Variants in LAMA2 observed in about 807,000 individuals in gnomAD.
LAMA2 encodes the protein laminin subunit alpha 2, also known as laminin subunit alpha-2.
A neutral mutation model predicts 364.8 loss-of-function variants in LAMA2; 269 were observed. The observed-to-expected ratio is 0.74, with a 90% CI of 0.67 to 0.82. LAMA2 has a LOEUF of 0.82. Ranked by LOEUF, LAMA2 falls within the 40% of genes least tolerant of loss-of-function variation. LAMA2 has a pLI of 0.00. For missense variants in LAMA2, 3,807 were observed against 3,873.2 expected (o/e 0.98, Z 0.45); for synonymous variants, 1,379 against 1,370.6 (o/e 1.01, Z -0.14).
In LAMA2 at chr6:129,306,210, A is replaced by C. The variant is rs1207021376; in HGVS notation, c.3174+5338A>C. Among the ~76,000 whole-genome samples, 3 of 151,524 alleles carry C rather than the reference A, an allele frequency of 2.0e-5. No homozygotes were observed. The East Asian group carries it at 5.8e-4, about 29-fold the overall frequency. The stretch of plus-strand genomic sequence containing the variant: ...TAATGCTTTAAATTCCTTTGTGTAC[A>C]TTAAAATTTTCATTTCATATCATTT... On this transcript the variant is annotated intron_variant, in intron 22 of 64. Coordinates refer to ENST00000421865, the MANE Select transcript of LAMA2 (RefSeq NM_000426.4).
intron 4 of LAMA2, among the ~76,000 whole-genome samples, chr6:129,135,155 A>G (rs1014805307): frequency 1.3e-5 from 2 of 152,182 alleles, no homozygotes; most frequent in South Asian, 4.1e-4. Context: ...ATCAAACAGT[A>G]AAGACTATTC....
At chr6:129,112,226 A>G (rs1187747703) in intron 4 of LAMA2, among the ~76,000 whole-genome samples, 1 of 152,058 alleles carries the variant, frequency 6.6e-6, no homozygotes, top group Non-Finnish European at 1.5e-5. Flanking sequence ...TTGCTTTTTA[A>G]AGAAAAAATT....
intron 34 of LAMA2, among the ~76,000 whole-genome samples, chr6:129,382,315 A>G (rs1778736980): frequency 6.6e-6 from 1 of 152,250 alleles, no homozygotes; most frequent in South Asian, 2.1e-4. Flanking sequence ...TTTTTAAAGA[A>G]ACAATGTTAT....
Position 129,014,788 on chromosome 6 carries a change from G to A in LAMA2, c.113-35130G>A, listed in dbSNP as rs142968448. ...CAATAATTAGATATTTGAACATGGT[G>A]GAAATAGTGAACCTATCATCTTTAA... On this transcript the variant is annotated intron_variant, in intron 1 of 64. Coordinates refer to ENST00000421865, the MANE Select transcript of LAMA2 (RefSeq NM_000426.4). Among the ~76,000 whole-genome samples the A allele has an allele frequency of 2.3e-4, 35 of 151,970 alleles. No individual in the cohort carries two copies. The East Asian group carries it at 4.6e-3, about 20-fold the overall frequency.
chr6:128,929,261 G>T (rs1451172150), intron 1 of LAMA2: 8 of 1,398,828 alleles, frequency 5.7e-6, no homozygotes, highest in Middle Eastern at 4.0e-4. Flanking sequence ...ACCGTCAATG[G>T]CTAAGTTCCC....
At chr6:129,219,769 T>C (rs1176876150) in intron 12 of LAMA2, among the ~76,000 whole-genome samples, 7 of 119,298 alleles carry the variant, frequency 5.9e-5, no homozygotes, top group African/African-American at 1.3e-4. Flanking sequence ...TAGGTGGGAA[T>C]TGAACAATGA....
chr6:129,384,593 A>G (rs1313687404), intron 35 of LAMA2, among the ~76,000 whole-genome samples: 1 of 152,158 alleles, frequency 6.6e-6, no homozygotes, highest in Non-Finnish European at 1.5e-5. Context: ...ATTCATGGTT[A>G]CCTCTTTGGT....
intron 3 of LAMA2, among the ~76,000 whole-genome samples, chr6:129,077,876 G>T (rs976043106): frequency 6.6e-5 from 10 of 152,130 alleles, no homozygotes; most frequent in Admixed American, 3.3e-4. Context: ...GGAGTGGAGG[G>T]ATGACTAGGC....
chr6:128,957,370 G>C (rs906583384), intron 1 of LAMA2, among the ~76,000 whole-genome samples: 5 of 152,006 alleles, frequency 3.3e-5, no homozygotes, highest in African/African-American at 1.2e-4. Flanking sequence ...TAGTCAGTTG[G>C]GGTTTGATAT....
At chr6:129,411,873 AT>A (rs1780557206) in intron 40 of LAMA2, among the ~76,000 whole-genome samples, 1 of 152,224 alleles carries the variant, frequency 6.6e-6, no homozygotes, top group African/African-American at 2.4e-5. Flanking sequence ...GGAAAGCATA[AT>A]GATAATAATT....
chr6:129,147,114 CTT>C, intron 6 of LAMA2, 66 bp downstream of exon 6: 1 of 1,017,088 alleles, frequency 9.8e-7, no homozygotes, highest in Non-Finnish European at 1.6e-6. Context: ...TCATGACAGT[CTT>C]TGCTGACAGA....
At chr6:129,061,745 A>G (rs1190555720) in intron 3 of LAMA2, among the ~76,000 whole-genome samples, 2 of 152,226 alleles carry the variant, frequency 1.3e-5, no homozygotes, top group Non-Finnish European at 1.5e-5. Flanking sequence ...TTCATTCATC[A>G]TAACAAAGTG....
chr6:129,070,060 A>G (rs111418454), intron 3 of LAMA2, among the ~76,000 whole-genome samples: 6 of 152,240 alleles, frequency 3.9e-5, no homozygotes, highest in East Asian at 1.9e-4. Context: ...AGGAGGAGCT[A>G]TAAGTGTGCC....
chr6:129,119,275 T>A (rs925729740), intron 4 of LAMA2, among the ~76,000 whole-genome samples: 8 of 152,210 alleles, frequency 5.3e-5, no homozygotes, highest in Admixed American at 2.6e-4. Flanking sequence ...TACATTTTTT[T>A]AATTTTAGCA....
chr6:128,951,882 G>C (rs1156501859), intron 1 of LAMA2, among the ~76,000 whole-genome samples: 7 of 152,136 alleles, frequency 4.6e-5, no homozygotes, highest in Admixed American at 4.6e-4. Context: ...TTCAGGCCAG[G>C]TATGGTGGCT....
chr6:128,934,404 T>A (rs560433067), intron 1 of LAMA2, among the ~76,000 whole-genome samples: 1 of 152,336 alleles, frequency 6.6e-6, no homozygotes, highest in South Asian at 2.1e-4. Flanking sequence ...AAGATTGCTT[T>A]GGATATTTTG....
intron 1 of LAMA2, among the ~76,000 whole-genome samples, chr6:128,895,883 G>A (rs1406101972): frequency 6.6e-6 from 1 of 152,062 alleles, no homozygotes; most frequent in Non-Finnish European, 1.5e-5. Flanking sequence ...CATTTAAAAG[G>A]TTTTGTAATG....
intron 3 of LAMA2, among the ~76,000 whole-genome samples, chr6:129,073,470 T>A (rs991750633): frequency 6.6e-6 from 1 of 152,180 alleles, no homozygotes; most frequent in Admixed American, 6.5e-5. Context: ...TTACTGTCCA[T>A]TCTTTCTCTC....
intron 1 of LAMA2, among the ~76,000 whole-genome samples, chr6:128,958,480 T>C (rs1283223039): frequency 6.6e-6 from 1 of 152,198 alleles, no homozygotes; most frequent in East Asian, 1.9e-4. Context: ...TTTCCCTCCC[T>C]TCAGAGGGAA....
Sources: gnomAD v4.1 joint callset for allele counts (sites outside exome capture counted in the v4.1 genomes callset) on GRCh38, gnomAD v4.1.1 for gene constraint, MANE v1.5 for transcripts, NCBI Gene and HGNC (gene_info 2026-07-23, HGNC 2026-07-21) for gene names.